The following PDE11A variants were observed in gnomAD, a reference collection of about 807,000 sequenced individuals.
PDE11A encodes the protein dual 3',5'-cyclic-AMP and -GMP phosphodiesterase 11A.
A neutral mutation model predicts 100.5 loss-of-function variants in PDE11A; 100 were observed. The observed-to-expected ratio is 1.00, with a 90% CI of 0.85 to 1.18. PDE11A has a LOEUF of 1.18. Among genes scored for constraint, PDE11A ranks in the 50% most tolerant of loss-of-function variants. The pLI is 0.00. For missense variants in PDE11A, 1,141 were observed against 1,152.6 expected (o/e 0.99, Z 0.15); for synonymous variants, 381 against 420.8 (o/e 0.91, Z 1.16).
chr2:178,018,362 C>A, intron 1 of PDE11A: 3 of 25,788 alleles, frequency 1.2e-4, no homozygotes, highest in Non-Finnish European at 2.3e-4. Context: ...GCTGCCAAGG[C>A]AGGCCTTTTG....
chr2:177,878,585 C>T (rs1007712598), intron 4 of PDE11A, among the ~76,000 whole-genome samples: 1 of 152,132 alleles, frequency 6.6e-6, no homozygotes, highest in African/African-American at 2.4e-5. Context: ...ATAAACAATC[C>T]TTTATGCATG....
Position 177,898,185 on chromosome 2 carries a change from A to G in PDE11A, c.1175T>C (p.Val392Ala), listed in dbSNP as rs1251277832. ...CTGTTCTTCAAAGAGGTCATTAACC[A>G]CCTCTAGCAAAGCCTAGAAAAGATG... ...EYERSRALLE[V>A]VNDLFEEQTD... Residue 392 changes from valine to alanine, a missense_variant, in exon 4 of 20, where the codon GTG becomes GCG. Transcript: ENST00000286063. The G allele has an allele frequency of 6.2e-7, 1 of 1,608,092 alleles. No individual in the cohort carries two copies. The highest frequency in any genetic ancestry group is 8.5e-7 in the Non-Finnish European group (1 of 1,174,570).
intron 19 of PDE11A, among the ~76,000 whole-genome samples, chr2:177,635,591 C>T (rs913110218): frequency 1.3e-5 from 2 of 152,198 alleles, no homozygotes; most frequent in African/African-American, 4.8e-5. Context: ...AACACATTCA[C>T]ATAGTTCCAT....
At chr2:177,670,685 A>G (rs2080665758) in intron 17 of PDE11A, among the ~76,000 whole-genome samples, 1 of 152,226 alleles carries the variant, frequency 6.6e-6, no homozygotes, top group Non-Finnish European at 1.5e-5. Context: ...CACAGTATCA[A>G]GATAATTTAA....
chr2:177,859,943 G>T (rs1017572136), intron 5 of PDE11A, among the ~76,000 whole-genome samples: 14 of 151,744 alleles, frequency 9.2e-5, no homozygotes, highest in African/African-American at 3.1e-4. Context: ...AAATACACTG[G>T]ATGCAGCAAA....
chr2:178,079,102 C>T (rs1306032404), intron 2 of PDE11A, among the ~76,000 whole-genome samples: 1 of 152,076 alleles, frequency 6.6e-6, no homozygotes, highest in Non-Finnish European at 1.5e-5. Context: ...AACAATAGAA[C>T]AAAAGGAGGA....
chr2:177,706,950 G>A (rs2081290008), intron 13 of PDE11A, among the ~76,000 whole-genome samples: 1 of 152,016 alleles, frequency 6.6e-6, no homozygotes. Flanking sequence ...GTTTACTTTG[G>A]TTTTATAATT....
chr2:177,804,002 T>TA (rs747010458), intron 9 of PDE11A, among the ~76,000 whole-genome samples: 5 of 151,930 alleles, frequency 3.3e-5, no homozygotes, highest in Non-Finnish European at 7.4e-5. Flanking sequence ...CCTCAAATTA[T>TA]AAAAATCTCA....
Position 177,669,504 on chromosome 2 carries a change from G to T in PDE11A, c.2551C>A (p.Leu851Ile). The T allele has an allele frequency of 7.5e-7, 1 of 1,339,610 alleles. No individual in the cohort carries two copies. The highest frequency in any genetic ancestry group is 1.1e-6 in the Non-Finnish European group (1 of 929,776). The allele number at this position is 1,339,610 out of a possible 1,614,324, so 83.0% of individuals were successfully genotyped here. A position where few individuals can be genotyped will look rare whatever the true frequency, so the allele number is the denominator to read the frequency against. ...AAGGATGAACTCACTGAAGGAGTGA[G>T]TTTGAGCTCTAATCTCTCCCGATCT... ...QGDRERLELK[L>I]TPSAIFDRNR... Residue 851 changes from leucine (L) to isoleucine (I), a missense_variant, in exon 18 of 20, where the codon CTC becomes ATC. Physicochemically the swap from Leu to Ile is conservative, Grantham distance 5. Coordinates refer to ENST00000286063, the MANE Select transcript of PDE11A (RefSeq NM_016953.4).
At chr2:178,019,620 A>G (rs1190929038) in intron 1 of PDE11A, among the ~76,000 whole-genome samples, 2 of 152,238 alleles carry the variant, frequency 1.3e-5, no homozygotes, top group South Asian at 2.1e-4. Flanking sequence ...AGGATGACAC[A>G]GAATTGAAAT....
Position 177,652,407 on chromosome 2 carries a change from G to A in PDE11A, c.2646+11459C>T, listed in dbSNP as rs538818332. ...CAGACGGCTAGGTGAGCACAGGCAC[G>A]GGGTGTGGAACATTTAGCTTATGGC... On this transcript the variant is annotated intron_variant, in intron 19 of 19. Coordinates refer to ENST00000286063, the MANE Select transcript of PDE11A (RefSeq NM_016953.4). Among the ~76,000 whole-genome samples the A allele has an allele frequency of 1.3e-4, 20 of 152,276 alleles. No homozygotes were observed. In the South Asian group the frequency reaches 3.7e-3, roughly 28 times the overall value.
chr2:177,800,180 T>G (rs1356838305), intron 9 of PDE11A, among the ~76,000 whole-genome samples: 1 of 50,848 alleles, frequency 2.0e-5, no homozygotes, highest in Non-Finnish European at 4.3e-5. Context: ...TAAAAAAATT[T>G]TTCTTTTTTT....
At position 177,669,570 on chromosome 2, in the gene PDE11A, G is replaced by A. The variant is rs1157475475; in HGVS notation, c.2488-3C>T. On this transcript the variant is annotated splice_polypyrimidine_tract_variant and splice_region_variant and intron_variant, in intron 17 of 19. Transcript: ENST00000286063. ...TCACTGGTTACAAGTTCTGCCACCT[G>A]AAACATATAAATATTTTAATCTGTG... 1 of 1,337,198 alleles carries A rather than the reference G, an allele frequency of 7.5e-7. No homozygotes were observed. The highest frequency in any genetic ancestry group is 1.7e-5 in the Admixed American group (1 of 59,662). The allele number at this position is 1,337,198 out of a possible 1,614,324, so 82.8% of individuals were successfully genotyped here. A position where few individuals can be genotyped will look rare whatever the true frequency, so the allele number is the denominator to read the frequency against.
chr2:177,781,364 T>C (rs576644519), intron 9 of PDE11A, among the ~76,000 whole-genome samples: 4 of 152,334 alleles, frequency 2.6e-5, no homozygotes, highest in South Asian at 4.1e-4. Context: ...ATAAGACGTA[T>C]AAAATGTTGT....
intron 10 of PDE11A, among the ~76,000 whole-genome samples, chr2:177,744,581 A>G (rs942867006): frequency 6.6e-6 from 1 of 152,148 alleles, no homozygotes; most frequent in Non-Finnish European, 1.5e-5. Context: ...GAGTCTCTTA[A>G]TGAGGATAAT....
chr2:178,095,310 C>T (rs2087473572), intron 2 of PDE11A, among the ~76,000 whole-genome samples: 1 of 152,202 alleles, frequency 6.6e-6, no homozygotes, highest in Admixed American at 6.5e-5. Flanking sequence ...AACAAAGGGG[C>T]TACAGGCCCC....
chr2:177,694,998 AT>A (rs60279596), intron 15 of PDE11A, among the ~76,000 whole-genome samples: 3,316 of 142,232 alleles, frequency 0.023, 94 homozygotes, highest in East Asian at 0.083. Context: ...TCTGAATTTC[AT>A]TTTTTTTTTC....
rs565899796 is a variant in PDE11A at position 178,058,926 on chromosome 2, G to C, written c.912+12600C>G. Among the ~76,000 whole-genome samples the C allele has an allele frequency of 1.6e-4, 24 of 152,284 alleles. 1 individual carries two copies. In the East Asian group the frequency reaches 4.6e-3, roughly 29 times the overall value. ...TTTATCTTGACAAAGTCATAGTCTAGGCCTCATTCCAGTCTGGCTCCATGA... is the reference window on the plus strand; with the variant it reads ...TTTATCTTGACAAAGTCATAGTCTACGCCTCATTCCAGTCTGGCTCCATGA... On this transcript the variant is annotated intron_variant, in intron 1 of 19. Coordinates refer to ENST00000286063, the MANE Select transcript of PDE11A (RefSeq NM_016953.4).
At chr2:177,816,258 T>C (rs1376448697) in intron 9 of PDE11A, among the ~76,000 whole-genome samples, 1 of 151,972 alleles carries the variant, frequency 6.6e-6, no homozygotes, top group Non-Finnish European at 1.5e-5. Flanking sequence ...AAAACGAGTC[T>C]TGAGTCAAAA....
Sources: gnomAD v4.1 joint callset for allele counts (sites outside exome capture counted in the v4.1 genomes callset) on GRCh38, gnomAD v4.1.1 for gene constraint, MANE v1.5 for transcripts, NCBI Gene and HGNC (gene_info 2026-07-23, HGNC 2026-07-21) for gene names.